The following GSE1 variants were observed in gnomAD, a reference collection of about 807,000 sequenced individuals.
The protein encoded by GSE1 is genetic suppressor element 1.
GSE1 carries 32 observed loss-of-function variants against 112.6 expected under a neutral mutation model. The observed-to-expected ratio is 0.28, with a 90% confidence interval of 0.21 to 0.38. The LOEUF (loss-of-function observed/expected upper bound fraction) is 0.38. Ranked by LOEUF, GSE1 falls within the 10% of genes least tolerant of loss-of-function variation. The pLI is 1.00. For synonymous variants in GSE1, 1,115 were observed against 735.6 expected (o/e 1.52, Z -8.35); for missense variants, 2,348 against 1,699.2 (o/e 1.38, Z -6.71).
chr16:85,477,631 G>C (rs1427618316), intron 2 of GSE1, among the ~76,000 whole-genome samples: 1 of 150,224 alleles, frequency 6.7e-6, no homozygotes, highest in East Asian at 2.0e-4. Flanking sequence ...CGCGATCTCG[G>C]CTCACCGCAA....
At chr16:85,553,949 G>T (rs2045066569), upstream of GSE1, among the ~76,000 whole-genome samples, 1 of 152,178 alleles carries the variant, frequency 6.6e-6, no homozygotes, top group African/African-American at 2.4e-5. Flanking sequence ...AGGAACCCAA[G>T]CCTGGTGTGA....
rs182556025 is a variant in GSE1, at chr16:85,496,606, T to G, written c.2465-137308T>G. ...TTGCAGGCTGAGGGCAGAAGTGGAA[T>G]TGGGGAGAAACTGACTTGTTTGCAG... On this transcript the variant is annotated intron_variant, in intron 2 of 2. Coordinates refer to the GSE1 transcript ENST00000637419. 8.5e-5 allele frequency among the ~76,000 whole-genome samples: 13 copies of G among 152,256 alleles called. No individual in the cohort carries two copies. The East Asian group carries it at 2.5e-3, about 29-fold the overall frequency.
At chr16:85,550,574 GA>G (rs1270260025) in intron 2 of GSE1, among the ~76,000 whole-genome samples, 1 of 152,052 alleles carries the variant, frequency 6.6e-6, no homozygotes, top group Non-Finnish European at 1.5e-5. Flanking sequence ...CCTCTCTCCA[GA>G]GGGGGGGGTT....
At chr16:85,603,854 T>C (rs1697655722) in intron 1 of GSE1, among the ~76,000 whole-genome samples, 1 of 152,220 alleles carries the variant, frequency 6.6e-6, no homozygotes, top group Admixed American at 6.5e-5. Context: ...AACATACAAT[T>C]AGCCGTTTTA....
intron 2 of GSE1, among the ~76,000 whole-genome samples, chr16:85,543,520 C>T (rs1019979783): frequency 6.6e-6 from 1 of 152,178 alleles, no homozygotes; most frequent in South Asian, 2.1e-4. Context: ...ATGAGCCCTG[C>T]TGGGGGGCAG....
At chr16:85,551,785 G>C (rs1349002618), upstream of GSE1, among the ~76,000 whole-genome samples, 1 of 152,242 alleles carries the variant, frequency 6.6e-6, no homozygotes, top group Non-Finnish European at 1.5e-5. Flanking sequence ...CCGAGGATGT[G>C]GCTAAAAGCA....
chr16:85,598,828 C>T (rs2047345426), intron 1 of GSE1, among the ~76,000 whole-genome samples: 2 of 152,242 alleles, frequency 1.3e-5, no homozygotes, highest in Admixed American at 6.5e-5. Context: ...CGTTCTGCAG[C>T]CTCTGGATGA....
chr16:85,585,444 C>T (rs769549449), intron 1 of GSE1, among the ~76,000 whole-genome samples: 1 of 152,222 alleles, frequency 6.6e-6, no homozygotes, highest in Non-Finnish European at 1.5e-5. Flanking sequence ...GCCGTGAGAC[C>T]CCATGGAGTA....
intron 1 of GSE1, among the ~76,000 whole-genome samples, chr16:85,579,215 C>T (rs907744750): frequency 6.6e-6 from 1 of 152,142 alleles, no homozygotes; most frequent in African/African-American, 2.4e-5. Flanking sequence ...AGGGGACCCT[C>T]CCCTCTGGGT....
intron 1 of GSE1, among the ~76,000 whole-genome samples, chr16:85,313,821 G>A (rs1206711750): frequency 1.3e-5 from 2 of 152,218 alleles, no homozygotes; most frequent in South Asian, 2.1e-4. Flanking sequence ...CGAGACCCTC[G>A]TACATGCCCA....
intron 2 of GSE1, among the ~76,000 whole-genome samples, chr16:85,370,249 G>T (rs1408986396): frequency 6.6e-6 from 1 of 152,144 alleles, no homozygotes; most frequent in Admixed American, 6.5e-5. Flanking sequence ...ACCCAGCCAG[G>T]CTCTGCCCCT....
chr16:85,640,496 T>C (rs2151810129), intron 2 of GSE1, among the ~76,000 whole-genome samples: 1 of 152,300 alleles, frequency 6.6e-6, no homozygotes, highest in East Asian at 1.9e-4. Flanking sequence ...CTGCCTCGTC[T>C]TGTCACTGGC....
rs780108213 is a variant in GSE1 at position 85,661,612 on chromosome 16, A to G, written c.2107A>G (p.Ser703Gly). Residue 703 changes from serine (S) to glycine (G), a missense_variant, in exon 9 of 16, where the codon AGC becomes GGC. Coordinates refer to ENST00000253458, the MANE Select transcript of GSE1 (RefSeq NM_014615.5). Reference sequence around the variant, plus strand: ...ACAGGCGGCCACCTTCGGGGAGCTCAGCGGACCCCTGAAGCCTGGCTCGCC... The same window carrying G: ...ACAGGCGGCCACCTTCGGGGAGCTCGGCGGACCCCTGAAGCCTGGCTCGCC... ...LPQAATFGELSGPLKPGSPYR... is the reference protein window; with the variant it reads ...LPQAATFGELGGPLKPGSPYR... The G allele has an allele frequency of 6.2e-7, 1 of 1,610,946 alleles. No individual in the cohort carries two copies. Among genetic ancestry groups the G allele is most frequent in the East Asian group, 2.2e-5 (1 of 44,822 alleles).
intron 1 of GSE1, among the ~76,000 whole-genome samples, chr16:85,231,311 A>G (rs1356074544): frequency 6.6e-6 from 1 of 150,526 alleles, no homozygotes; most frequent in Non-Finnish European, 1.5e-5. Flanking sequence ...GGATGGACGG[A>G]AGGACAGATA....
At chr16:85,210,778 T>G (rs899987348) in intron 1 of GSE1, among the ~76,000 whole-genome samples, 3 of 152,190 alleles carry the variant, frequency 2.0e-5, no homozygotes, top group Non-Finnish European at 4.4e-5. Context: ...CATCCTTTAA[T>G]GTTGTCACCG....
intron 2 of GSE1, among the ~76,000 whole-genome samples, chr16:85,634,816 T>C (rs1342721196): frequency 2.6e-5 from 4 of 152,274 alleles, no homozygotes; most frequent in East Asian, 3.9e-4. Context: ...TGGGGTACTT[T>C]TTGGCGCCTG....
intron 2 of GSE1, among the ~76,000 whole-genome samples, chr16:85,492,491 GA>G (rs2051042430): frequency 1.3e-5 from 2 of 152,196 alleles, no homozygotes; most frequent in Non-Finnish European, 2.9e-5. Flanking sequence ...CCCCTGTTCT[GA>G]GGGCCTCACC....
At chr16:85,259,486 G>A (rs1907441409) in intron 1 of GSE1, among the ~76,000 whole-genome samples, 1 of 152,262 alleles carries the variant, frequency 6.6e-6, no homozygotes, top group Admixed American at 6.5e-5. Context: ...GTCCTGCGGG[G>A]TGTGGGCTGG....
At chr16:85,380,558 G>T (rs535173518) in intron 2 of GSE1, among the ~76,000 whole-genome samples, 36 of 138,268 alleles carry the variant, frequency 2.6e-4, no homozygotes, top group African/African-American at 1.1e-3. Flanking sequence ...AACACTGCCC[G>T]CCGGGGGAGG....
Sources: allele counts gnomAD v4.1 joint callset (sites outside exome capture counted in the v4.1 genomes callset), GRCh38; gene constraint gnomAD v4.1.1; transcripts MANE v1.5; gene names NCBI Gene and HGNC (gene_info 2026-07-23, HGNC 2026-07-21).